The following GLDC variants were observed in gnomAD, a reference collection of about 807,000 sequenced individuals.
GLDC encodes glycine dehydrogenase (decarboxylating), mitochondrial.
A neutral mutation model predicts 121.3 loss-of-function variants in GLDC; 104 were observed. The ratio of observed to expected loss-of-function variants is 0.86; its 90% CI spans 0.73 to 1.01. The LOEUF (loss-of-function observed/expected upper bound fraction) is 1.01, where lower values mean the gene tolerates loss of function less well. GLDC is among the 50% of genes least tolerant of loss of function. The pLI is 0.00. For missense variants in GLDC, 1,429 were observed against 1,306.6 expected (o/e 1.09, Z -1.44); for synonymous variants, 546 against 480.6 (o/e 1.14, Z -1.78).
At chr9:6,593,692 T>C (rs886482414) in intron 9 of GLDC, among the ~76,000 whole-genome samples, 51 of 131,136 alleles carry the variant, frequency 3.9e-4, no homozygotes, top group African/African-American at 9.4e-4. Flanking sequence ...ATTTAATCAC[T>C]TTTTTTTTTT....
At chr9:6,591,604 G>A (rs1486154959) in intron 11 of GLDC, among the ~76,000 whole-genome samples, 1 of 151,772 alleles carries the variant, frequency 6.6e-6, no homozygotes, top group African/African-American at 2.4e-5. Flanking sequence ...CTTTTTTTGA[G>A]ATGGAGTTTT....
At chr9:6,600,121 C>T (rs1818574980) in intron 8 of GLDC, among the ~76,000 whole-genome samples, 1 of 152,176 alleles carries the variant, frequency 6.6e-6, no homozygotes, top group African/African-American at 2.4e-5. Context: ...AATCCTATCA[C>T]TATGGGAGGC....
In GLDC at chr9:6,565,391, C is replaced by G. The variant is rs763517274; in HGVS notation, c.1889G>C (p.Arg630Pro). ...CTCTCCTTTCTGGTTTAAGTAGGCT[C>G]GGATAGTGGCCAGTCCAGCATATTC... is the stretch of plus-strand genomic sequence containing the variant. ...QGEYAGLATI[R>P]AYLNQKGEGH... Residue 630 changes from arginine to proline, a missense_variant, in exon 16 of 25, where the codon CGA (arginine) becomes CCA (proline). Arg to Pro is a moderately radical substitution (Grantham distance 103). Transcript: ENST00000321612. 6.2e-7 allele frequency: 1 copy of G among 1,613,892 alleles called. No individual in the cohort carries two copies. Among genetic ancestry groups the G allele is most frequent in the Non-Finnish European group, 8.5e-7 (1 of 1,179,800 alleles).
At chr9:6,634,099 G>A (rs1819449380) in intron 2 of GLDC, among the ~76,000 whole-genome samples, 1 of 151,892 alleles carries the variant, frequency 6.6e-6, no homozygotes, top group African/African-American at 2.4e-5. Context: ...CAAAGTGCTG[G>A]GATTACAGGT....
chr9:6,550,942 G>A (rs2129705926), intron 20 of GLDC, 28 bp from the exon 21 acceptor site: 1 of 1,414,360 alleles, frequency 7.1e-7, no homozygotes, highest in Middle Eastern at 1.8e-4. Flanking sequence ...AGAGCCATTA[G>A]CCATTGAACA....
chr9:6,619,164 AAAAAAAAAAAAAG>A (rs1309229495), intron 3 of GLDC, among the ~76,000 whole-genome samples: 2 of 150,042 alleles, frequency 1.3e-5, no homozygotes, highest in Non-Finnish European at 3.0e-5. Flanking sequence ...AAAAAAAAAA[AAAAAAAAAAAAAG>A]AAGAAGTAGG....
chr9:6,584,281 T>C (rs1483544644), intron 15 of GLDC, among the ~76,000 whole-genome samples: 2 of 152,202 alleles, frequency 1.3e-5, no homozygotes, highest in African/African-American at 4.8e-5. Context: ...ACCTGCTATT[T>C]TGAGTATAAC....
rs771413015 is a variant in GLDC, at chr9:6,644,605, G to A, written c.334+9C>T. Reference sequence around the variant, plus strand: ...ATCTAAGTCCAAGGGAGCCCTCCCGGCCACTTACAAACAGGGTCTTCCATT... The same window carrying A: ...ATCTAAGTCCAAGGGAGCCCTCCCGACCACTTACAAACAGGGTCTTCCATT... On this transcript the variant is annotated intron_variant, in intron 2 of 24. Coordinates refer to ENST00000321612, the MANE Select transcript of GLDC (RefSeq NM_000170.3). The A allele has an allele frequency of 6.3e-7, 1 of 1,592,922 alleles. No individual in the cohort carries two copies. The highest frequency in any genetic ancestry group is 8.6e-7 in the Non-Finnish European group (1 of 1,160,794).
At chr9:6,643,425 G>C (rs1208014173) in intron 2 of GLDC, among the ~76,000 whole-genome samples, 2 of 150,156 alleles carry the variant, frequency 1.3e-5, no homozygotes, top group Admixed American at 1.4e-4. Context: ...CTGCACACTA[G>C]ATCCTTTCTA....
At chr9:6,549,579 T>C (rs1817466930) in intron 21 of GLDC, among the ~76,000 whole-genome samples, 4 of 152,122 alleles carry the variant, frequency 2.6e-5, no homozygotes, top group Admixed American at 6.5e-5. Context: ...CTTCTCACCT[T>C]CAATATTCTT....
intron 3 of GLDC, among the ~76,000 whole-genome samples, chr9:6,618,114 T>A (rs1370710221): frequency 6.6e-6 from 1 of 152,232 alleles, no homozygotes; most frequent in Admixed American, 6.5e-5. Context: ...TCCATCTATG[T>A]CTGATTTGTT....
intron 2 of GLDC, among the ~76,000 whole-genome samples, chr9:6,632,185 A>G (rs573276816): frequency 7.5e-4 from 114 of 152,220 alleles, no homozygotes; most frequent in Non-Finnish European, 1.5e-3. Context: ...ATGAAAATTC[A>G]CCTAAACTTT....
chr9:6,643,109 A>G (rs2578292), intron 2 of GLDC, among the ~76,000 whole-genome samples: 93,722 of 151,714 alleles, frequency 0.62, 31,019 homozygotes, highest in African/African-American at 0.85. Flanking sequence ...TATTGCCCAA[A>G]CTGGTCTCAA....
intron 16 of GLDC, 54 bp from the exon 17 acceptor site, chr9:6,558,738 T>C: frequency 6.2e-7 from 1 of 1,601,124 alleles, no homozygotes; most frequent in South Asian, 1.1e-5. Context: ...AGACTATGAA[T>C]AATGACAGAA....
chr9:6,598,403 A>G (rs149228002), intron 8 of GLDC, among the ~76,000 whole-genome samples: 2 of 152,206 alleles, frequency 1.3e-5, no homozygotes, highest in Non-Finnish European at 2.9e-5. Flanking sequence ...AGAAAAATTT[A>G]TTTAAAAAAG....
intron 5 of GLDC, 27 bp downstream of exon 5, chr9:6,606,565 G>C: frequency 1.5e-6 from 2 of 1,348,066 alleles, no homozygotes; most frequent in Non-Finnish European, 2.1e-6. Flanking sequence ...ATTATACTGA[G>C]TTTAAAACAC....
At chr9:6,565,473 C>A in intron 15 of GLDC, 44 bp from the exon 16 acceptor site, 1 of 1,406,458 alleles carries the variant, frequency 7.1e-7, no homozygotes, top group East Asian at 2.3e-5. Flanking sequence ...GGTCTTCTGG[C>A]TTTCATTTAC....
chr9:6,548,309 A>G (rs902497367), intron 21 of GLDC, among the ~76,000 whole-genome samples: 1 of 152,196 alleles, frequency 6.6e-6, no homozygotes, highest in Non-Finnish European at 1.5e-5. Flanking sequence ...ATCTGATGAA[A>G]TAAATATTGA....
chr9:6,559,718 G>C (rs1288950416), intron 16 of GLDC, among the ~76,000 whole-genome samples: 2 of 151,292 alleles, frequency 1.3e-5, no homozygotes, highest in African/African-American at 2.4e-5. Context: ...AGGAGGCTGA[G>C]ACAGAAGATT....
Sources: allele counts gnomAD v4.1 joint callset (sites outside exome capture counted in the v4.1 genomes callset), GRCh38; gene constraint gnomAD v4.1.1; transcripts MANE v1.5; gene names NCBI Gene and HGNC (gene_info 2026-07-23, HGNC 2026-07-21).